Variants in ATRIP observed in about 807,000 individuals in gnomAD.
ATRIP encodes the protein ATR interacting protein.
In ATRIP, 44 loss-of-function variants were observed where a neutral mutation model predicts 78.1. The ratio of observed to expected loss-of-function variants is 0.56; its 90% CI spans 0.44 to 0.72. The LOEUF (loss-of-function observed/expected upper bound fraction) is 0.72, where lower values mean the gene tolerates loss of function less well. ATRIP is among the 30% of genes least tolerant of loss of function. The pLI is 0.00. For missense variants in ATRIP, 927 were observed against 980.2 expected, an observed-to-expected ratio of 0.95 and a Z score of 0.72; for synonymous variants, 388 against 408.9, an observed-to-expected ratio of 0.95 and a Z score of 0.62.
intron 10 of ATRIP, 149 bp from the exon 11 acceptor site, chr3:48,464,432 TC>T: frequency 1.1e-6 from 1 of 938,822 alleles, no homozygotes; most frequent in South Asian, 1.5e-5. Context: ...TCCTGGGTCT[TC>T]CCTGGGAAGG....
chr3:48,453,550 C>T (rs2039884079), intron 3 of ATRIP, among the ~76,000 whole-genome samples: 2 of 152,202 alleles, frequency 1.3e-5, no homozygotes, highest in African/African-American at 4.8e-5. Context: ...CTCACACATT[C>T]TTGCACTTAC....
At chr3:48,462,302 C>T (rs116653781) in intron 8 of ATRIP, among the ~76,000 whole-genome samples, 342 of 151,204 alleles carry the variant, frequency 2.3e-3, no homozygotes, top group African/African-American at 7.8e-3. Flanking sequence ...GTAGACACAC[C>T]ATTATTCCAC....
At chr3:48,464,803 G>C (rs2040225458) in intron 11 of ATRIP, 28 bp from the exon 12 acceptor site, 1 of 1,601,768 alleles carries the variant, frequency 6.2e-7, no homozygotes, top group Non-Finnish European at 8.5e-7. Context: ...GTGGCACCAG[G>C]CCTCAGTCTG....
At chr3:48,450,202 A>G (rs1291018329) in intron 2 of ATRIP, 32 bp downstream of exon 2, 1 of 1,595,324 alleles carries the variant, frequency 6.3e-7, no homozygotes, top group South Asian at 1.1e-5. Flanking sequence ...TTTTGTAGCT[A>G]ATTCATTCAC....
intron 4 of ATRIP, among the ~76,000 whole-genome samples, chr3:48,455,218 A>G (rs1362979913): frequency 1.3e-5 from 2 of 151,946 alleles, no homozygotes; most frequent in Non-Finnish European, 2.9e-5. Context: ...TGAACTTTCT[A>G]CCGCCTTTGT....
intron 1 of ATRIP, among the ~76,000 whole-genome samples, chr3:48,448,064 G>T (rs904224965): frequency 6.6e-6 from 1 of 151,668 alleles, no homozygotes; most frequent in African/African-American, 2.4e-5. Flanking sequence ...CCCATTTCCA[G>T]TCTTGACTCC....
intron 1 of ATRIP, among the ~76,000 whole-genome samples, chr3:48,448,328 C>T (rs1316884540): frequency 6.6e-6 from 1 of 152,024 alleles, no homozygotes; most frequent in African/African-American, 2.4e-5. Context: ...TACTTGTGCC[C>T]GCCACCATGC....
rs759293280 is a variant in ATRIP at position 48,446,887 on chromosome 3, G to A, written c.42G>A (p.Glu14=). ...CGCCAGGCAGCAAGAGGCGGAGCGA[G>A]CCCCCGGCGCCTCGCCCCGGCCCGC... ...TSAPGSKRRS[E]PPAPRPGPPP... Residue 14 remains glutamate, a synonymous_variant, in exon 1 of 13, where the codon GAG becomes GAA. Transcript: ENST00000320211. The A allele has an allele frequency of 7.2e-7, 1 of 1,395,680 alleles. No individual in the cohort carries two copies. 86.5% of individuals were successfully genotyped at this position (1,395,680 alleles called of 1,614,324 possible). A position where few individuals can be genotyped will look rare whatever the true frequency, so the allele number is the denominator to read the frequency against.
At position 48,467,146 on chromosome 3, in the gene ATRIP, G is replaced by C. The variant is rs143885312; in HGVS notation, c.*1592G>C. 3.8e-5 allele frequency: 62 copies of C among 1,613,860 alleles called. No homozygotes were observed. The highest frequency in any genetic ancestry group is 5.1e-5 in the Non-Finnish European group (60 of 1,180,014). ...ATCACTGCGCTGAAGGCCCTGGAGCGAGCAAGCAGCCCCTCAGAACACGGC... is the reference window on the plus strand; with the variant it reads ...ATCACTGCGCTGAAGGCCCTGGAGCCAGCAAGCAGCCCCTCAGAACACGGC... On this transcript the variant is annotated 3_prime_UTR_variant, in exon 13 of 13. Transcript: ENST00000320211.
intron 3 of ATRIP, among the ~76,000 whole-genome samples, chr3:48,453,400 A>G (rs1456271309): frequency 1.3e-5 from 2 of 152,232 alleles, no homozygotes; most frequent in Non-Finnish European, 2.9e-5. Flanking sequence ...GATGAAGAGC[A>G]AGGAATTTGC....
rs2107255846 is a variant in ATRIP at position 48,466,787 on chromosome 3, G to C, written c.*1233G>C. 1 of 1,613,962 alleles carries C rather than the reference G, an allele frequency of 6.2e-7. No homozygotes were observed. Among genetic ancestry groups the C allele is most frequent in the Non-Finnish European group, 8.5e-7 (1 of 1,180,036 alleles). On this transcript the variant is annotated 3_prime_UTR_variant, in exon 13 of 13. Coordinates refer to ENST00000320211, the MANE Select transcript of ATRIP (RefSeq NM_130384.3). ...TGCTGGCTGTCCACAGATGTGCCCT[G>C]GAGAGCCCCCCCACCTCTCAGGGGC...
At chr3:48,461,730 G>A (rs2040118196) in intron 8 of ATRIP, among the ~76,000 whole-genome samples, 1 of 152,050 alleles carries the variant, frequency 6.6e-6, no homozygotes, top group African/African-American at 2.4e-5. Context: ...TTGAGACGAA[G>A]TTTTGCTCTT....
intron 1 of ATRIP, among the ~76,000 whole-genome samples, chr3:48,449,770 C>CAAAAAAAAAA: frequency 2.3e-5 from 1 of 43,316 alleles, no homozygotes; most frequent in Non-Finnish European, 5.0e-5. Context: ...TACTAAAATC[C>CAAAAAAAAAA]AAAAAAAAAA....
At position 48,467,002 on chromosome 3, in the gene ATRIP, C is replaced by CACAG; in HGVS notation, c.*1449_*1452dup. On this transcript the variant is annotated 3_prime_UTR_variant, in exon 13 of 13. Coordinates refer to ENST00000320211, the MANE Select transcript of ATRIP (RefSeq NM_130384.3). ...CTCCTAGCCTTCCTGCGGCGCCAGC[C>CACAG]ACAGCCCTGGTGCCTGGTGGCACAC... 1 of 1,613,822 alleles carries CACAG rather than the reference C, an allele frequency of 6.2e-7. No homozygotes were observed. The highest frequency in any genetic ancestry group is 8.5e-7 in the Non-Finnish European group (1 of 1,180,040).
chr3:48,447,273 C>G, intron 1 of ATRIP, 181 bp downstream of exon 1: 1 of 1,259,610 alleles, frequency 7.9e-7, no homozygotes, highest in Non-Finnish European at 1.0e-6. Flanking sequence ...GGGGGAAATG[C>G]ATTAGCCAGG....
chr3:48,458,323 GT>G (rs11398200), intron 5 of ATRIP, among the ~76,000 whole-genome samples: 78,668 of 139,116 alleles, frequency 0.57, 21,541 homozygotes, highest in East Asian at 0.69. Context: ...TTCTTTTCTT[GT>G]TTTTTTTTTT....
Position 48,446,767 on chromosome 3 carries a change from G to A in ATRIP, c.-79G>A. 7.5e-7 allele frequency: 1 copy of A among 1,325,716 alleles called. No individual in the cohort carries two copies. The highest frequency in any genetic ancestry group is 9.7e-7 in the Non-Finnish European group (1 of 1,035,210). 82.1% of individuals were successfully genotyped at this position (1,325,716 alleles called of 1,614,324 possible). A position where few individuals can be genotyped will look rare whatever the true frequency, so the allele number is the denominator to read the frequency against. The stretch of plus-strand genomic sequence containing the variant: ...CGGCGGAGGCAAGCGGCGGCGCGCG[G>A]ACGGTTGGTCCAGTTCTCCGGCCTG... On this transcript the variant is annotated 5_prime_UTR_variant, in exon 1 of 13. Transcript: ENST00000320211.
At position 48,464,033 on chromosome 3, in the gene ATRIP, CT is replaced by C. The variant is rs757377956; in HGVS notation, c.1883-4del. ...CACCCTGAGTGAGAGGTGCGCTGTC[CT>C]TTTCAGAAGGCTGCCTCCTGCTGCT... On this transcript the variant is annotated splice_polypyrimidine_tract_variant and splice_region_variant and intron_variant, in intron 9 of 12. Coordinates refer to ENST00000320211, the MANE Select transcript of ATRIP (RefSeq NM_130384.3). 1.2e-5 allele frequency: 20 copies of C among 1,613,046 alleles called. No individual in the cohort carries two copies. In the South Asian group the frequency reaches 2.0e-4, roughly 16 times the overall value.
chr3:48,453,115 C>T (rs930412433), intron 3 of ATRIP, among the ~76,000 whole-genome samples: 27 of 152,158 alleles, frequency 1.8e-4, no homozygotes, highest in African/African-American at 1.7e-4. Flanking sequence ...AGCTCCTGGG[C>T]TCATGCAGTC....
Sources: allele counts gnomAD v4.1 joint callset (sites outside exome capture counted in the v4.1 genomes callset), GRCh38; gene constraint gnomAD v4.1.1; transcripts MANE v1.5; gene names NCBI Gene and HGNC (gene_info 2026-07-23, HGNC 2026-07-21).